Variants in PCSK2 observed in about 807,000 individuals in gnomAD.
PCSK2 encodes the protein neuroendocrine convertase 2.
PCSK2 carries 14 observed loss-of-function variants against 69.7 expected under a neutral mutation model. The observed-to-expected ratio is 0.20, with a 90% CI of 0.13 to 0.31. The LOEUF (loss-of-function observed/expected upper bound fraction) is 0.31. Ranked by LOEUF, PCSK2 falls within the 10% of genes least tolerant of loss-of-function variation. PCSK2 has a pLI of 1.00. For synonymous variants in PCSK2, 307 were observed against 320.7 expected, an observed-to-expected ratio of 0.96 and a Z score of 0.46; for missense variants, 544 against 842.5, an observed-to-expected ratio of 0.65 and a Z score of 4.39.
intron 10 of PCSK2, 100 bp downstream of exon 10, chr20:17,456,548 T>C: frequency 1.4e-6 from 1 of 700,988 alleles, no homozygotes; most frequent in Admixed American, 2.2e-5. Flanking sequence ...AAAGTTGATG[T>C]GAGAGGCCAT....
chr20:17,278,891 C>G (rs1396578830), intron 2 of PCSK2, among the ~76,000 whole-genome samples: 1 of 151,690 alleles, frequency 6.6e-6, no homozygotes, highest in Non-Finnish European at 1.5e-5. Context: ...CTCCTTATGT[C>G]TAATTTTTCC....
At chr20:17,345,704 C>A (rs1335950852) in intron 2 of PCSK2, among the ~76,000 whole-genome samples, 1 of 152,176 alleles carries the variant, frequency 6.6e-6, no homozygotes, top group Non-Finnish European at 1.5e-5. Flanking sequence ...AGAACCCAAA[C>A]CCAGTTCTTT....
chr20:17,406,117 C>A (rs2031744772), intron 5 of PCSK2, among the ~76,000 whole-genome samples: 1 of 152,222 alleles, frequency 6.6e-6, no homozygotes, highest in East Asian at 1.9e-4. Flanking sequence ...CCAAACACCA[C>A]CTGCTCCAAA....
Position 17,284,160 on chromosome 20 carries a change from G to A in PCSK2, c.282+23816G>A, listed in dbSNP as rs56811750. On this transcript the variant is annotated intron_variant, in intron 2 of 11. Coordinates refer to ENST00000262545, the MANE Select transcript of PCSK2 (RefSeq NM_002594.5). Reference sequence around the variant, plus strand: ...AGTACTGTGTGAGATGGCCCAGAAAGGTATCATTGTTCTCACTTGGGAACA... The same window carrying A: ...AGTACTGTGTGAGATGGCCCAGAAAAGTATCATTGTTCTCACTTGGGAACA... Among the ~76,000 whole-genome samples the A allele has an allele frequency of 3.7e-3, 567 of 152,278 alleles. 8 individuals carry two copies. The highest frequency in any genetic ancestry group is 0.012 in the African/African-American group (517 of 41,554).
intron 5 of PCSK2, among the ~76,000 whole-genome samples, chr20:17,398,939 G>A (rs2031574538): frequency 6.6e-6 from 1 of 152,146 alleles, no homozygotes; most frequent in Non-Finnish European, 1.5e-5. Context: ...TAATATATGA[G>A]CTCATGAAGG....
At chr20:17,231,341 T>A (rs1986137330) in intron 1 of PCSK2, among the ~76,000 whole-genome samples, 1 of 152,224 alleles carries the variant, frequency 6.6e-6, no homozygotes, top group Admixed American at 6.5e-5. Flanking sequence ...TATTAAAGTA[T>A]AATTTAGGAA....
chr20:17,281,906 AC>A (rs571327709), intron 2 of PCSK2, among the ~76,000 whole-genome samples: 67 of 152,240 alleles, frequency 4.4e-4, no homozygotes, highest in African/African-American at 1.5e-3. Flanking sequence ...TGCCATTCCT[AC>A]CTAGTATGAT....
chr20:17,265,843 A>G (rs1452878136), intron 2 of PCSK2, among the ~76,000 whole-genome samples: 2 of 152,222 alleles, frequency 1.3e-5, no homozygotes, highest in Non-Finnish European at 2.9e-5. Context: ...GCATTAAAAT[A>G]TAATTTTACC....
At chr20:17,421,655 T>A (rs981488282) in intron 6 of PCSK2, among the ~76,000 whole-genome samples, 1 of 152,016 alleles carries the variant, frequency 6.6e-6, no homozygotes, top group South Asian at 2.1e-4. Flanking sequence ...CTTAGCCAAG[T>A]TGCACACTGG....
At chr20:17,332,413 C>T (rs1990229217) in intron 2 of PCSK2, among the ~76,000 whole-genome samples, 1 of 152,064 alleles carries the variant, frequency 6.6e-6, no homozygotes. Context: ...CCCTGATAGC[C>T]ACCTCTATCA....
At chr20:17,345,489 CA>C (rs1412663920) in intron 2 of PCSK2, among the ~76,000 whole-genome samples, 2 of 152,180 alleles carry the variant, frequency 1.3e-5, no homozygotes, top group Non-Finnish European at 2.9e-5. Flanking sequence ...GTCTCTGTTG[CA>C]ATTACTCAAC....
chr20:17,401,404 G>T (rs1010223909), intron 5 of PCSK2, among the ~76,000 whole-genome samples: 3 of 152,008 alleles, frequency 2.0e-5, no homozygotes, highest in Middle Eastern at 3.2e-3. Flanking sequence ...TGTTAAACAG[G>T]CTCCCTCAGG....
At chr20:17,474,161 C>G (rs2033251711) in intron 11 of PCSK2, among the ~76,000 whole-genome samples, 1 of 152,206 alleles carries the variant, frequency 6.6e-6, no homozygotes, top group Non-Finnish European at 1.5e-5. Flanking sequence ...ACCACCCCAG[C>G]TACTGTGGGC....
intron 10 of PCSK2, 57 bp downstream of exon 10, chr20:17,456,505 T>G: frequency 1.1e-6 from 1 of 918,592 alleles, no homozygotes; most frequent in Admixed American, 1.9e-5. Flanking sequence ...AACACGTGTC[T>G]CTCTGCCCAC....
intron 1 of PCSK2, among the ~76,000 whole-genome samples, chr20:17,250,578 A>G (rs1986937189): frequency 6.6e-6 from 1 of 152,146 alleles, no homozygotes; most frequent in South Asian, 2.1e-4. Flanking sequence ...GCCGGCCACA[A>G]TTACTATTAT....
At position 17,453,691 on chromosome 20, in the gene PCSK2, C is replaced by T. The variant is rs573543928; in HGVS notation, c.886-51C>T. On this transcript the variant is annotated intron_variant, in intron 8 of 11. Coordinates refer to ENST00000262545, the MANE Select transcript of PCSK2 (RefSeq NM_002594.5). This position sits in a 1 kb window ranked among gnomAD's most constrained non-coding sequence, Gnocchi z 4.0. ...CCTGGGCTGGAGACCTCCCCTGCCC[C>T]CTCGCAGCCCAGGCTGTGGGTAGCG... The T allele has an allele frequency of 2.5e-6, 4 of 1,601,288 alleles. No individual in the cohort carries two copies. The highest frequency in any genetic ancestry group is 1.3e-5 in the African/African-American group (1 of 74,974).
At chr20:17,472,798 C>G (rs1203600823) in intron 11 of PCSK2, among the ~76,000 whole-genome samples, 1 of 152,152 alleles carries the variant, frequency 6.6e-6, no homozygotes, top group Non-Finnish European at 1.5e-5. Context: ...AGCTCCTGAC[C>G]TCAGGTGATC....
rs528583998 is a variant in PCSK2, at chr20:17,270,612, A to C, written c.282+10268A>C. 2.1e-4 allele frequency among the ~76,000 whole-genome samples: 32 copies of C among 152,258 alleles called. 1 individual carries two copies. In the South Asian group the frequency reaches 6.6e-3, roughly 32 times the overall value. ...CTTATTGCTTGAGAGAAAACAGGTA[A>C]GACAAAATAGTTTTCCATTCCCCCT... On this transcript the variant is annotated intron_variant, in intron 2 of 11. Transcript: ENST00000262545.
At chr20:17,275,713 C>T (rs754073877) in intron 2 of PCSK2, among the ~76,000 whole-genome samples, 36 of 152,164 alleles carry the variant, frequency 2.4e-4, no homozygotes, top group Non-Finnish European at 4.3e-4. Context: ...TATAAGGAAA[C>T]GTGCAGTCTG....
Sources: allele counts gnomAD v4.1 joint callset (sites outside exome capture counted in the v4.1 genomes callset), GRCh38; gene constraint gnomAD v4.1.1; non-coding constraint Gnocchi (gnomAD v3.1); transcripts MANE v1.5; gene names NCBI Gene and HGNC (gene_info 2026-07-23, HGNC 2026-07-21).